Variants in HTT observed in about 807,000 individuals in gnomAD.
HTT encodes huntingtin, also known as huntington disease protein.
In HTT, 104 loss-of-function variants were observed where a neutral mutation model predicts 362.3. The observed-to-expected ratio is 0.29, with a 90% CI of 0.24 to 0.34. The LOEUF (loss-of-function observed/expected upper bound fraction) is 0.34. Among genes scored for constraint, HTT ranks in the 10% least tolerant of loss-of-function variants. The pLI, the probability that HTT is intolerant of heterozygous loss-of-function variation, is 1.00. For synonymous variants in HTT, 1,577 were observed against 1,548.7 expected (o/e 1.02, Z -0.43); for missense variants, 3,301 against 3,928.6 (o/e 0.84, Z 4.27).
chr4:3,221,673 G>T (rs1415601127), intron 53 of HTT, among the ~76,000 whole-genome samples: 1 of 152,190 alleles, frequency 6.6e-6, no homozygotes, highest in Non-Finnish European at 1.5e-5. Flanking sequence ...CACAAGTGGC[G>T]TGGCTGCCTC....
At position 3,243,088 on chromosome 4, in the gene HTT, C is replaced by G. The variant is rs951760244; in HGVS notation, c.*3029C>G. The G allele has an allele frequency of 1.3e-5, 2 of 152,600 alleles. No individual in the cohort carries two copies. Among genetic ancestry groups the G allele is most frequent in the Non-Finnish European group, 2.9e-5 (2 of 68,026 alleles). 9.5% of individuals were successfully genotyped at this position (152,600 alleles called of 1,614,324 possible). A position where few individuals can be genotyped will look rare whatever the true frequency, so the allele number is the denominator to read the frequency against. ...GGGGGTCATTTCAGAGCCCTCGGAG[C>G]CAATGAACAGCTCCTCCTCTTGGAG... On this transcript the variant is annotated 3_prime_UTR_variant, in exon 67 of 67. Transcript: ENST00000355072.
Position 3,123,026 on chromosome 4 carries a change from A to G in HTT, c.1321+90A>G, listed in dbSNP as rs532108272. On this transcript the variant is annotated intron_variant, in intron 10 of 66. Coordinates refer to ENST00000355072, the MANE Select transcript of HTT (RefSeq NM_001388492.1). ...TAATGTATCTTGTATTTCTTGTAAT[A>G]CTGTATTGGACTCTGTGTATATCTC... The G allele has an allele frequency of 3.7e-5, 35 of 951,920 alleles. 1 individual carries two copies. Among genetic ancestry groups the G allele is most frequent in the South Asian group, 2.0e-4 (13 of 65,580 alleles). 59.0% of individuals were successfully genotyped at this position (951,920 alleles called of 1,614,324 possible). A position where few individuals can be genotyped will look rare whatever the true frequency, so the allele number is the denominator to read the frequency against.
chr4:3,212,541 C>T (rs1407227614), intron 48 of HTT, 23 bp from the exon 49 acceptor site: 2 of 1,610,766 alleles, frequency 1.2e-6, no homozygotes, highest in Admixed American at 1.7e-5. Context: ...TTTGCACCCA[C>T]CCACGAGGTC....
At chr4:3,166,209 C>G (rs967966682) in intron 29 of HTT, among the ~76,000 whole-genome samples, 1 of 152,208 alleles carries the variant, frequency 6.6e-6, no homozygotes, top group Admixed American at 6.5e-5. Context: ...GAGGTCCACT[C>G]CAGGCCCTGT....
chr4:3,186,475 A>C, intron 37 of HTT, 122 bp from the exon 38 acceptor site: 1 of 1,082,156 alleles, frequency 9.2e-7, no homozygotes, highest in South Asian at 1.5e-5. Context: ...AATGCTTTTA[A>C]ATGAGGGAAG....
At chr4:3,127,778 A>G (rs935352482) in intron 12 of HTT, among the ~76,000 whole-genome samples, 174 bp downstream of exon 12, 1 of 151,968 alleles carries the variant, frequency 6.6e-6, no homozygotes, top group Admixed American at 6.5e-5. Context: ...AGCCTGGCCA[A>G]CATGGTGAAA....
At chr4:3,105,073 T>C (rs1714357674) in intron 4 of HTT, among the ~76,000 whole-genome samples, 1 of 152,216 alleles carries the variant, frequency 6.6e-6, no homozygotes, top group East Asian at 1.9e-4. Context: ...TATTCAGTAA[T>C]TCACAATGTT....
chr4:3,113,751 G>A (rs1271634793), intron 6 of HTT, among the ~76,000 whole-genome samples: 1 of 152,146 alleles, frequency 6.6e-6, no homozygotes, highest in South Asian at 2.1e-4. Flanking sequence ...GCCACTGGGG[G>A]AGTCCTGTGG....
At chr4:3,110,871 T>G (rs773484534) in intron 6 of HTT, among the ~76,000 whole-genome samples, 2 of 152,210 alleles carry the variant, frequency 1.3e-5, no homozygotes, top group Non-Finnish European at 2.9e-5. Flanking sequence ...AGTTCTTGCC[T>G]TTTATTTTCT....
At chr4:3,161,085 C>T (rs1474674036) in intron 29 of HTT, among the ~76,000 whole-genome samples, 1 of 152,120 alleles carries the variant, frequency 6.6e-6, no homozygotes, top group Non-Finnish European at 1.5e-5. Flanking sequence ...CCCTCACTCC[C>T]CATGGGCCCC....
At chr4:3,225,595 G>A (rs188098295) in intron 56 of HTT, 66 bp from the exon 57 acceptor site, 569 of 1,434,262 alleles carry the variant, frequency 4.0e-4, no homozygotes, top group Non-Finnish European at 5.3e-4. Context: ...AGCTGGGCTG[G>A]TATGGGGTGG....
chr4:3,140,987 A>G (rs1578531400), intron 22 of HTT, among the ~76,000 whole-genome samples: 1 of 152,240 alleles, frequency 6.6e-6, no homozygotes, highest in East Asian at 1.9e-4. Context: ...ACCTTTAAAG[A>G]GGATTGTATT....
At chr4:3,129,713 A>G in intron 12 of HTT, 1 of 445,698 alleles carries the variant, frequency 2.2e-6, no homozygotes, top group Non-Finnish European at 3.9e-6. Context: ...TAGAGCTAAT[A>G]GAGCTTTTCA....
At position 3,206,443 on chromosome 4, in the gene HTT, C is replaced by A; in HGVS notation, c.5719-53C>A. The A allele has an allele frequency of 7.0e-7, 1 of 1,427,810 alleles. No homozygotes were observed. Among genetic ancestry groups the A allele is most frequent in the Admixed American group, 1.7e-5 (1 of 58,994 alleles). The allele number at this position is 1,427,810 out of a possible 1,614,324, so 88.4% of individuals were successfully genotyped here. A position where few individuals can be genotyped will look rare whatever the true frequency, so the allele number is the denominator to read the frequency against. ...TCTGGCCTTTCTATGGCATTAATAC[C>A]TGGTCTCTTCTTGTGTACTTGAAAA... is the stretch of plus-strand genomic sequence containing the variant. On this transcript the variant is annotated intron_variant, in intron 42 of 66. Transcript: ENST00000355072. This position sits in a 1 kb window ranked among gnomAD's most constrained non-coding sequence, Gnocchi z 4.6.
chr4:3,154,311 A>T lies in HTT; in HGVS notation c.3517A>T (p.Thr1173Ser). Reference protein sequence around the residue: ...PAIKAALPSLTNPPSLSPIRR... With the variant: ...PAIKAALPSLSNPPSLSPIRR... ...ATTTTAGGCAGCCTTGCCTTCTCTA[A>T]CAAACCCCCCTTCTCTAAGTCCCAT... Residue 1173 changes from threonine to serine, a missense_variant, in exon 27 of 67, where the codon ACA (threonine) becomes TCA (serine). Physicochemically the swap from Thr to Ser is moderately conservative, Grantham distance 58. Transcript: ENST00000355072. The T allele has an allele frequency of 1.3e-6, 2 of 1,599,612 alleles. No individual in the cohort carries two copies. The highest frequency in any genetic ancestry group is 1.7e-6 in the Non-Finnish European group (2 of 1,172,648).
At chr4:3,155,303 G>A (rs1717086739) in intron 27 of HTT, among the ~76,000 whole-genome samples, 1 of 151,454 alleles carries the variant, frequency 6.6e-6, no homozygotes, top group Admixed American at 6.6e-5. Context: ...CTCAGTGCAA[G>A]CTCTGCCTCC....
Position 3,238,781 on chromosome 4 carries a change from CAGCCCTGACACTCAGGCACCTGCT to C in HTT, c.9055-36_9055-13del. Reference sequence around the variant, plus strand: ...GCGCAGCAGGTGCTTCCCGTCCCCCCAGCCCTGACACTCAGGCACCTGCTTGCTCCTTGCAGGTGTTTCAGACTC... The same window carrying C: ...GCGCAGCAGGTGCTTCCCGTCCCCCCTGCTCCTTGCAGGTGTTTCAGACTC... On this transcript the variant is annotated splice_polypyrimidine_tract_variant and intron_variant, in intron 65 of 66. Coordinates refer to ENST00000355072, the MANE Select transcript of HTT (RefSeq NM_001388492.1). 1 of 1,536,440 alleles carries C rather than the reference CAGCCCTGACACTCAGGCACCTGCT, an allele frequency of 6.5e-7. No individual in the cohort carries two copies. The highest frequency in any genetic ancestry group is 8.8e-7 in the Non-Finnish European group (1 of 1,132,584).
intron 10 of HTT, 32 bp downstream of exon 10, chr4:3,122,968 G>A: frequency 6.5e-7 from 1 of 1,546,362 alleles, no homozygotes; most frequent in Admixed American, 1.7e-5. Context: ...GTCTTGTGTT[G>A]AATCTTACTG....
At chr4:3,166,868 G>A (rs1264364132) in intron 29 of HTT, among the ~76,000 whole-genome samples, 2 of 152,214 alleles carry the variant, frequency 1.3e-5, no homozygotes, top group African/African-American at 4.8e-5. Flanking sequence ...GCTTGGAAAG[G>A]GAAGTCCCCC....
Sources: allele counts gnomAD v4.1 joint callset (sites outside exome capture counted in the v4.1 genomes callset), GRCh38; gene constraint gnomAD v4.1.1; non-coding constraint Gnocchi (gnomAD v3.1); transcripts MANE v1.5; gene names NCBI Gene and HGNC (gene_info 2026-07-23, HGNC 2026-07-21).